ZNF334: variants seen among roughly 807,000 people sequenced by gnomAD.
ZNF334 encodes zinc finger protein 334.
ZNF334 carries 14 observed loss-of-function variants against 12.4 expected under a neutral mutation model. That is an observed-to-expected ratio of 1.13 (90% CI 0.74 to 1.76). The LOEUF (loss-of-function observed/expected upper bound fraction) is 1.76, where lower values mean the gene tolerates loss of function less well. Among genes scored for constraint, ZNF334 ranks in the 40% most tolerant of loss-of-function variants. ZNF334 has a pLI of 0.00. For synonymous variants in ZNF334, 273 were observed against 269.6 expected (o/e 1.01, Z -0.12); for missense variants, 797 against 804.5 (o/e 0.99, Z 0.11).
the ZNF334 span, among the ~76,000 whole-genome samples, chr20:46,493,102 AAAAC>A: frequency 7.3e-5 from 11 of 151,348 alleles, no homozygotes; most frequent in African/African-American, 2.7e-4. Flanking sequence ...AAAAAAAAAA[AAAAC>A]TGTTAAATGT....
At chr20:46,465,346 T>A in the ZNF334 span, 1 of 155,506 alleles carries the variant, frequency 6.4e-6, no homozygotes, top group African/African-American at 2.4e-5. Flanking sequence ...TAGGCCAATA[T>A]ACTTTTATAT....
the ZNF334 span, among the ~76,000 whole-genome samples, chr20:46,476,070 A>T: frequency 6.6e-6 from 1 of 152,246 alleles, no homozygotes; most frequent in Non-Finnish European, 1.5e-5. Context: ...TTCAGCAATA[A>T]CAAGAAGCAA....
chr20:46,482,295 G>A, the ZNF334 span, among the ~76,000 whole-genome samples: 62,069 of 152,060 alleles, frequency 0.41, 14,595 homozygotes, highest in African/African-American at 0.65. Flanking sequence ...AGGGCCCAAT[G>A]TTTAGAAGAA....
At chr20:46,481,302 G>A in the ZNF334 span, 1 of 152,326 alleles carries the variant, frequency 6.6e-6, no homozygotes, top group East Asian at 1.9e-4. Context: ...AGGCAACAGA[G>A]GGGACCTAAA....
chr20:46,487,864 T>A, the ZNF334 span, among the ~76,000 whole-genome samples: 2 of 152,196 alleles, frequency 1.3e-5, no homozygotes, highest in Non-Finnish European at 2.9e-5. Context: ...CTCCACCTTT[T>A]CGTTGAGGTG....
At position 46,502,758 on chromosome 20, in the gene ZNF334, T is replaced by C; in HGVS notation, c.581A>G (p.Glu194Gly). Reference protein sequence around the residue: ...NPMRKASNQNENLILHQNIQI... With the variant: ...NPMRKASNQNGNLILHQNIQI... ...AATGTTCTGGTGCAGAATAAGATTT[T>C]CGTTTTGATTGCTGGCTTTCCTCAT... The change falls in exon 5 of 5, where the codon GAA becomes GGA. Residue 194 changes from glutamate to glycine, a missense_variant. By Grantham distance (98) the Glu-to-Gly change is moderately conservative (BLOSUM62 -2). Transcript: ENST00000692313. The C allele has an allele frequency of 6.2e-7, 1 of 1,613,900 alleles. No homozygotes were observed. The highest frequency in any genetic ancestry group is 8.5e-7 in the Non-Finnish European group (1 of 1,180,000).
the ZNF334 span, among the ~76,000 whole-genome samples, chr20:46,493,389 C>G: frequency 6.6e-6 from 1 of 152,142 alleles, no homozygotes; most frequent in Non-Finnish European, 1.5e-5. Context: ...CAGTGAAAAG[C>G]AAAAAGCTGA....
rs1355005374 is a variant in ZNF334 at position 46,502,261 on chromosome 20, T to C, written c.1078A>G (p.Lys360Glu). The change falls in exon 5 of 5, where the codon AAG becomes GAG. Residue 360 changes from lysine to glutamate, a missense_variant. Lys to Glu is a moderately conservative substitution (Grantham distance 56). Coordinates refer to ENST00000692313, the MANE Select transcript of ZNF334 (RefSeq NM_001353824.2). ...TGATGTACAACAAGATACGATTTCT[T>C]GCTGAAGGCATTTCCACATTCCTTG... ...ECKECGNAFS[K>E]KSYLVVHQRT... 6.2e-7 allele frequency: 1 copy of C among 1,614,118 alleles called. No individual in the cohort carries two copies. The highest frequency in any genetic ancestry group is 8.5e-7 in the Non-Finnish European group (1 of 1,180,004).
At chr20:46,466,672 C>T in the ZNF334 span, among the ~76,000 whole-genome samples, 6 of 151,962 alleles carry the variant, frequency 3.9e-5, no homozygotes, top group African/African-American at 1.2e-4. Flanking sequence ...TTAGTAGAAA[C>T]GGGGTTTTGC....
chr20:46,478,494 C>A, the ZNF334 span, among the ~76,000 whole-genome samples: 14 of 152,196 alleles, frequency 9.2e-5, no homozygotes, highest in African/African-American at 3.4e-4. Flanking sequence ...CAGGCAAAGT[C>A]TCCAGGTAGC....
the ZNF334 span, among the ~76,000 whole-genome samples, chr20:46,470,704 T>A: frequency 6.6e-6 from 1 of 152,240 alleles, no homozygotes; most frequent in South Asian, 2.1e-4. Context: ...GCTTTGCCTG[T>A]TACTTGAAGT....
intron 2 of ZNF334, among the ~76,000 whole-genome samples, chr20:46,510,384 G>A (rs1381734583): frequency 6.6e-6 from 1 of 152,002 alleles, no homozygotes; most frequent in Non-Finnish European, 1.5e-5. Context: ...GACAACATTA[G>A]CAAGCTCGAC....
the ZNF334 span, among the ~76,000 whole-genome samples, chr20:46,475,348 A>G: frequency 6.6e-6 from 1 of 152,176 alleles, no homozygotes; most frequent in Non-Finnish European, 1.5e-5. Context: ...TAAAACTATA[A>G]AACTTTTAGG....
At position 46,501,775 on chromosome 20, in the gene ZNF334, G is replaced by C; in HGVS notation, c.1564C>G (p.His522Asp). Residue 522 changes from histidine (H) to aspartate (D), a missense_variant, in exon 5 of 5, where the codon CAT becomes GAT. Coordinates refer to ENST00000692313, the MANE Select transcript of ZNF334 (RefSeq NM_001353824.2). ...GAGTTTTTGCTGACGGCATGCCCAT[G>C]TTCACTACACTCATAAAGATTCTCC... ...TKENLYECSE[H>D]GHAVSKNSHL... The C allele has an allele frequency of 5.6e-6, 9 of 1,614,128 alleles. No homozygotes were observed. Among genetic ancestry groups the C allele is most frequent in the Non-Finnish European group, 7.6e-6 (9 of 1,180,016 alleles).
chr20:46,510,136 G>A (rs569217611), intron 2 of ZNF334, among the ~76,000 whole-genome samples: 13 of 152,278 alleles, frequency 8.5e-5, no homozygotes, highest in African/African-American at 3.1e-4. Context: ...TCATACCAAG[G>A]ATGCTGAACT....
At chr20:46,495,863 T>C (rs1188466214), downstream of ZNF334, among the ~76,000 whole-genome samples, 2 of 152,112 alleles carry the variant, frequency 1.3e-5, no homozygotes, top group Non-Finnish European at 2.9e-5. Flanking sequence ...CAAGAATTCA[T>C]ATAATCAAAG....
chr20:46,512,037 GA>G, intron 2 of ZNF334, 44 bp downstream of exon 2: 1 of 1,601,188 alleles, frequency 6.2e-7, no homozygotes, highest in African/African-American at 1.3e-5. Context: ...TAAACCTCTT[GA>G]AATTCACTGT....
intron 2 of ZNF334, chr20:46,506,605 C>T (rs1440061613): frequency 1.1e-5 from 4 of 352,422 alleles, no homozygotes; most frequent in Non-Finnish European, 1.5e-5. Flanking sequence ...GGTGACAGTG[C>T]AAGACCTCAT....
intron 2 of ZNF334, chr20:46,509,751 T>C: frequency 7.3e-6 from 5 of 685,716 alleles, no homozygotes; most frequent in South Asian, 6.1e-5. Flanking sequence ...TTCATCCAAG[T>C]CTAAAACAGG....
Sources: gnomAD v4.1 joint callset for allele counts (sites outside exome capture counted in the v4.1 genomes callset) on GRCh38, gnomAD v4.1.1 for gene constraint, MANE v1.5 for transcripts, NCBI Gene and HGNC (gene_info 2026-07-23, HGNC 2026-07-21) for gene names.